PTGER3: variants seen among roughly 807,000 people sequenced by gnomAD.
PTGER3 encodes the protein prostaglandin E receptor 3, also known as prostaglandin E2 receptor EP3 subtype.
PTGER3 carries 22 observed loss-of-function variants against 34.7 expected under a neutral mutation model. That is an observed-to-expected ratio of 0.63 (90% confidence interval 0.45 to 0.91). The LOEUF (loss-of-function observed/expected upper bound fraction) is 0.91, where lower values mean the gene tolerates loss of function less well. PTGER3 is among the 40% of genes least tolerant of loss of function. The pLI is 0.00. For missense variants in PTGER3, 468 were observed against 519.4 expected, an observed-to-expected ratio of 0.90 and a Z score of 0.96; for synonymous variants, 241 against 230.1, an observed-to-expected ratio of 1.05 and a Z score of -0.43.
At chr1:70,979,059 G>T (rs1008372354) in intron 2 of PTGER3, among the ~76,000 whole-genome samples, 18 of 152,082 alleles carry the variant, frequency 1.2e-4, no homozygotes, top group African/African-American at 4.3e-4. Context: ...TTAAAGAAAT[G>T]AAAGTATAGA....
At chr1:70,882,729 A>G (rs974441037) in intron 4 of PTGER3, among the ~76,000 whole-genome samples, 1 of 152,166 alleles carries the variant, frequency 6.6e-6, no homozygotes, top group South Asian at 2.1e-4. Context: ...CCCTGTGGAG[A>G]GTGCGAATCT....
intron 4 of PTGER3, among the ~76,000 whole-genome samples, chr1:70,942,134 A>ATGTC (rs1649815451): frequency 2.0e-5 from 3 of 152,124 alleles, no homozygotes; most frequent in African/African-American, 7.2e-5. Flanking sequence ...ATGGCAGGAC[A>ATGTC]GCAGGAGTGA....
At chr1:70,925,878 A>G (rs964054685) in intron 4 of PTGER3, among the ~76,000 whole-genome samples, 1 of 152,094 alleles carries the variant, frequency 6.6e-6, no homozygotes, top group African/African-American at 2.4e-5. Context: ...TTTATAAAAT[A>G]TATGTTACAT....
At chr1:70,935,406 T>A (rs1361588859) in intron 4 of PTGER3, among the ~76,000 whole-genome samples, 1 of 152,028 alleles carries the variant, frequency 6.6e-6, no homozygotes, top group Non-Finnish European at 1.5e-5. Context: ...TAAATAGCAA[T>A]AAATATATCA....
chr1:70,934,763 A>G (rs191592998), intron 4 of PTGER3, among the ~76,000 whole-genome samples: 1 of 152,312 alleles, frequency 6.6e-6, no homozygotes, highest in East Asian at 1.9e-4. Context: ...TATCATTTCA[A>G]TTATGAAAAG....
chr1:70,856,656 C>A (rs1028499366), intron 4 of PTGER3, among the ~76,000 whole-genome samples: 2 of 151,974 alleles, frequency 1.3e-5, no homozygotes, highest in Non-Finnish European at 2.9e-5. Context: ...CAGAATGTGA[C>A]TTAATAAGAA....
At chr1:71,041,621 G>T (rs1371952144) in intron 1 of PTGER3, among the ~76,000 whole-genome samples, 1 of 152,168 alleles carries the variant, frequency 6.6e-6, no homozygotes, top group Non-Finnish European at 1.5e-5. Flanking sequence ...GGAAAAGGAG[G>T]ACTAGAGAGA....
chr1:71,017,877 G>C (rs191553319), intron 1 of PTGER3, among the ~76,000 whole-genome samples: 95 of 152,256 alleles, frequency 6.2e-4, no homozygotes, highest in Middle Eastern at 3.4e-3. Context: ...CCATTCTTGT[G>C]CCTCAGACTC....
At chr1:70,942,013 C>A (rs1158987219) in intron 4 of PTGER3, among the ~76,000 whole-genome samples, 1 of 152,142 alleles carries the variant, frequency 6.6e-6, no homozygotes, top group African/African-American at 2.4e-5. Context: ...AAATGCCTGT[C>A]TTTTCATAAT....
At position 70,908,445 on chromosome 1, in the gene PTGER3, G is replaced by C. The variant is rs560226599; in HGVS notation, c.*23+45318C>G. Among the ~76,000 whole-genome samples the C allele has an allele frequency of 1.3e-3, 198 of 152,254 alleles. 1 individual carries two copies. The highest frequency in any genetic ancestry group is 4.6e-3 in the African/African-American group (193 of 41,554). ...CTCAGCTCCTTCTCCCCTGGAGCAG[G>C]ATAACTCTGATGCTTGCATCTGTAC... is the stretch of plus-strand genomic sequence containing the variant. On this transcript the variant is annotated intron_variant, in intron 4 of 4. Coordinates refer to the PTGER3 transcript ENST00000370931.
intron 4 of PTGER3, among the ~76,000 whole-genome samples, chr1:70,930,821 G>A (rs1204762340): frequency 1.3e-5 from 2 of 152,046 alleles, no homozygotes; most frequent in African/African-American, 2.4e-5. Context: ...ATGAGATTTG[G>A]GTGGGGACAG....
intron 1 of PTGER3, among the ~76,000 whole-genome samples, chr1:71,026,753 A>G (rs979951678): frequency 6.6e-6 from 1 of 152,080 alleles, no homozygotes; most frequent in Non-Finnish European, 1.5e-5. Context: ...TACTATTATA[A>G]TGTTTCTAAG....
At chr1:70,871,358 G>A (rs1252487404) in intron 4 of PTGER3, among the ~76,000 whole-genome samples, 1 of 152,098 alleles carries the variant, frequency 6.6e-6, no homozygotes, top group Non-Finnish European at 1.5e-5. Context: ...GATCTGCCTG[G>A]ATGAACCAAA....
chr1:71,007,038 A>G, intron 2 of PTGER3: 1 of 985,382 alleles, frequency 1.0e-6, no homozygotes, highest in African/African-American at 1.7e-5. Flanking sequence ...ACTAGAAGAT[A>G]TATTTAAATA....
chr1:71,002,519 A>G (rs975299533), intron 2 of PTGER3, among the ~76,000 whole-genome samples: 4 of 152,232 alleles, frequency 2.6e-5, no homozygotes, highest in Non-Finnish European at 5.9e-5. Flanking sequence ...AAAATATTTT[A>G]AATTACATAT....
intron 4 of PTGER3, among the ~76,000 whole-genome samples, chr1:70,900,971 G>T (rs546331354): frequency 6.6e-6 from 1 of 152,288 alleles, no homozygotes; most frequent in South Asian, 2.1e-4. Flanking sequence ...CATACTGCAA[G>T]GGTATGGCCC....
At chr1:71,031,297 C>T (rs573285104) in intron 1 of PTGER3, among the ~76,000 whole-genome samples, 8 of 151,912 alleles carry the variant, frequency 5.3e-5, no homozygotes, top group South Asian at 4.1e-4. Flanking sequence ...CGTGCACACA[C>T]GCACATGTGC....
intron 1 of PTGER3, among the ~76,000 whole-genome samples, chr1:71,033,951 A>G (rs1349860300): frequency 6.6e-6 from 1 of 152,190 alleles, no homozygotes; most frequent in African/African-American, 2.4e-5. Context: ...TGCATTAGTA[A>G]TACTACTCTG....
chr1:71,024,783 G>C (rs1293929537), intron 1 of PTGER3, among the ~76,000 whole-genome samples: 2 of 150,630 alleles, frequency 1.3e-5, no homozygotes, highest in Admixed American at 1.3e-4. Flanking sequence ...TTGAACTACT[G>C]ATCTCAGGTG....
Sources: allele counts gnomAD v4.1 joint callset (sites outside exome capture counted in the v4.1 genomes callset), GRCh38; gene constraint gnomAD v4.1.1; transcripts MANE v1.5; gene names NCBI Gene and HGNC (gene_info 2026-07-23, HGNC 2026-07-21).